The following LTN1 variants were observed in gnomAD, a reference collection of about 807,000 sequenced individuals.
The protein encoded by LTN1 is E3 ubiquitin-protein ligase listerin.
A neutral mutation model predicts 201.2 loss-of-function variants in LTN1; 88 were observed. That is an observed-to-expected ratio of 0.44 (90% CI 0.37 to 0.52). LTN1 has a LOEUF of 0.52. LTN1 is among the 20% of genes least tolerant of loss of function. LTN1 has a pLI of 0.00. For synonymous variants in LTN1, 645 were observed against 713.5 expected (o/e 0.90, Z 1.53); for missense variants, 1,752 against 2,038.7 (o/e 0.86, Z 2.71).
At chr21:28,971,085 G>A (rs2146303703) in intron 7 of LTN1, among the ~76,000 whole-genome samples, 186 bp downstream of exon 7, 1 of 152,138 alleles carries the variant, frequency 6.6e-6, no homozygotes, top group African/African-American at 2.4e-5. Flanking sequence ...GACACATAAG[G>A]TTTAAAGAAT....
At chr21:28,953,425 C>A in intron 16 of LTN1, 49 bp from the exon 17 acceptor site, 1 of 1,387,958 alleles carries the variant, frequency 7.2e-7, no homozygotes. Flanking sequence ...TGTGAACAAA[C>A]CCTTCAATTA....
intron 6 of LTN1, among the ~76,000 whole-genome samples, chr21:28,980,709 G>A (rs1048452806): frequency 6.6e-6 from 1 of 152,004 alleles, no homozygotes; most frequent in Non-Finnish European, 1.5e-5. Flanking sequence ...TTCATGATGA[G>A]TTTATAGAAA....
intron 18 of LTN1, among the ~76,000 whole-genome samples, chr21:28,950,217 A>G (rs756647936): frequency 2.2e-4 from 33 of 152,094 alleles, no homozygotes; most frequent in Non-Finnish European, 5.9e-5. Context: ...TGTGATCTTT[A>G]TTCAAGTTTT....
At chr21:28,967,885 A>C (rs2084539925) in intron 9 of LTN1, 1 of 152,314 alleles carries the variant, frequency 6.6e-6, no homozygotes, top group East Asian at 1.9e-4. Context: ...ATTGGAGGAC[A>C]CATAGCTGGT....
intron 22 of LTN1, 117 bp downstream of exon 22, chr21:28,944,266 G>T: frequency 2.7e-6 from 2 of 754,594 alleles, no homozygotes; most frequent in Non-Finnish European, 4.4e-6. Context: ...TTCTCTTCTG[G>T]CTTTTTCTTT....
Position 28,944,536 on chromosome 21 carries a change from T to C in LTN1, c.3829A>G (p.Ser1277Gly), listed in dbSNP as rs2084322185. Residue 1277 changes from serine to glycine, a missense_variant, in exon 22 of 30, where the codon AGC (serine) becomes GGC (glycine). This residue lies in a region of LTN1 where 1,211 missense variants were observed against 1,312.8 expected (regional missense o/e 0.92). Transcript: ENST00000361371. ...IPLVQLFACV[S>G]CDLACDLSAF... Reference sequence around the variant, plus strand: ...CTGAGGTCACAGGCCAAATCACAGCTGACACAGGCAAACAGTTGCACAAGT... The same window carrying C: ...CTGAGGTCACAGGCCAAATCACAGCCGACACAGGCAAACAGTTGCACAAGT... The C allele has an allele frequency of 6.2e-7, 1 of 1,613,928 alleles. No individual in the cohort carries two copies. The highest frequency in any genetic ancestry group is 1.3e-5 in the African/African-American group (1 of 74,926).
chr21:28,949,142 T>G (rs2084363929), intron 18 of LTN1, among the ~76,000 whole-genome samples: 1 of 152,230 alleles, frequency 6.6e-6, no homozygotes, highest in Non-Finnish European at 1.5e-5. Flanking sequence ...ATTTCAGTAT[T>G]GAGCTACCTT....
At chr21:28,988,891 G>C (rs1296334997) in intron 1 of LTN1, among the ~76,000 whole-genome samples, 2 of 151,880 alleles carry the variant, frequency 1.3e-5, no homozygotes, top group Non-Finnish European at 2.9e-5. Context: ...CTTGAACCCA[G>C]GGGGCAGAGA....
rs1455243085 is a variant in LTN1, at chr21:28,966,705, T to A, written c.1786A>T (p.Lys596Ter). The A allele has an allele frequency of 6.2e-7, 1 of 1,614,082 alleles. No individual in the cohort carries two copies. The highest frequency in any genetic ancestry group is 8.5e-7 in the Non-Finnish European group (1 of 1,179,988). The change falls in exon 10 of 30, where the codon AAA becomes TAA. Residue 596 changes from lysine to a stop codon, truncating the protein, a stop_gained. Coordinates refer to ENST00000361371, the MANE Select transcript of LTN1 (RefSeq NM_015565.3). LOFTEE classifies it high-confidence loss of function. ...RKKPLEDLVC[K>*]LADISINYVN... ...TAATTAATACTTATATCTGCGAGTT[T>A]ACAGACTAAGTCTTCCAAAGGTTTT...
Position 28,966,384 on chromosome 21 carries a change from C to A in LTN1, c.2107G>T (p.Asp703Tyr). 6.2e-7 allele frequency: 1 copy of A among 1,607,948 alleles called. No homozygotes were observed. The highest frequency in any genetic ancestry group is 8.5e-7 in the Non-Finnish European group (1 of 1,178,180). Residue 703 changes from aspartate to tyrosine, a missense_variant, in exon 10 of 30, where the codon GAT becomes TAT. This residue lies in a region of LTN1 where 1,211 missense variants were observed against 1,312.8 expected (regional missense o/e 0.92). Coordinates refer to ENST00000361371, the MANE Select transcript of LTN1 (RefSeq NM_015565.3). The stretch of plus-strand genomic sequence containing the variant: ...AACAGGAATACCTTGGTTAGATCAT[C>A]CAAGACTTTTTTTCTTTCCATATCA... ...DNDMERKKVL[D>Y]DLTKVDLKWN...
In LTN1 at chr21:28,967,017, C is replaced by T; in HGVS notation, c.1474G>A (p.Glu492Lys). 1 of 1,614,094 alleles carries T rather than the reference C, an allele frequency of 6.2e-7. No individual in the cohort carries two copies. The highest frequency in any genetic ancestry group is 8.5e-7 in the Non-Finnish European group (1 of 1,180,010). The change falls in exon 10 of 30, where the codon GAA becomes AAA. Residue 492 changes from glutamate (E) to lysine (K), a missense_variant. Transcript: ENST00000361371. ...NLENVLIHFWERLSEICVAKI... is the reference protein window; with the variant it reads ...NLENVLIHFWKRLSEICVAKI... ...GCAACACAGATCTCTGACAGTCTTT[C>T]CCAGAAATGTATCAGTACGTTCTCC... is the stretch of plus-strand genomic sequence containing the variant.
At position 28,984,860 on chromosome 21, in the gene LTN1, T is replaced by C. The variant is rs1193785612; in HGVS notation, c.408A>G (p.Val136=). The change falls in exon 4 of 30, where the codon GTA becomes GTG. Residue 136 remains valine (V), a synonymous_variant. Transcript: ENST00000361371. ...QQAFEKLILK[V]KKQLAPYLKS... is the part of the protein sequence containing the mutation. ...TTAAGTAGGGAGCCAACTGTTTCTT[T>C]ACTTTAAGGATAAGTTTTTCAAAAG... The C allele has an allele frequency of 2.5e-6, 4 of 1,614,040 alleles. No homozygotes were observed. The highest frequency in any genetic ancestry group is 3.4e-6 in the Non-Finnish European group (4 of 1,180,020).
chr21:28,975,368 T>C (rs1191115476), intron 6 of LTN1, among the ~76,000 whole-genome samples: 6 of 152,074 alleles, frequency 3.9e-5, no homozygotes, highest in African/African-American at 1.4e-4. Context: ...GATATACAAA[T>C]GGCCCATAAA....
At chr21:28,951,435 A>G (rs1259385700) in intron 18 of LTN1, among the ~76,000 whole-genome samples, 1 of 152,194 alleles carries the variant, frequency 6.6e-6, no homozygotes, top group Admixed American at 6.5e-5. Context: ...CATTTGTTAC[A>G]TTTCTAGAAT....
rs1369482151 is a variant in LTN1, at chr21:28,981,973, G to A, written c.629+343C>T. Among the ~76,000 whole-genome samples, 7 of 152,292 alleles carry A rather than the reference G, an allele frequency of 4.6e-5. No homozygotes were observed. The East Asian group carries it at 7.7e-4, about 17-fold the overall frequency. ...CTCATGCTTGTAATGCCAACACTTC[G>A]GGAGGCCGAGGCGGGTGGATCACCT... On this transcript the variant is annotated intron_variant, in intron 5 of 29. Coordinates refer to ENST00000361371, the MANE Select transcript of LTN1 (RefSeq NM_015565.3).
chr21:28,937,460 A>T (rs998650577), intron 25 of LTN1, among the ~76,000 whole-genome samples: 1 of 152,210 alleles, frequency 6.6e-6, no homozygotes, highest in African/African-American at 2.4e-5. Context: ...TTTTATAGGC[A>T]TATAATATGT....
In LTN1 at chr21:28,934,805, T is replaced by C. The variant is rs144119252; in HGVS notation, c.4875+304A>G. ...ACCCAGTTTCAGGCATTTATAGCAA[T>C]CTGAGAATAGACTAATACAGTGTGT... On this transcript the variant is annotated intron_variant, in intron 27 of 29. Coordinates refer to ENST00000361371, the MANE Select transcript of LTN1 (RefSeq NM_015565.3). 4.1e-3 allele frequency among the ~76,000 whole-genome samples: 618 copies of C among 152,262 alleles called. 3 individuals are homozygous for C. The highest frequency in any genetic ancestry group is 0.014 in the African/African-American group (601 of 41,536).
chr21:28,992,846 T>C lies in LTN1; in HGVS notation c.-41A>G. On this transcript the variant is annotated 5_prime_UTR_variant, in exon 1 of 30. Transcript: ENST00000361371. The stretch of plus-strand genomic sequence containing the variant: ...TGTACTCTGAGCACTCAGACCCCGG[T>C]TGACACGTCCGGGACACAACTTCCG... The C allele has an allele frequency of 6.2e-7, 1 of 1,614,138 alleles. No homozygotes were observed. The highest frequency in any genetic ancestry group is 1.1e-5 in the South Asian group (1 of 91,068).
In LTN1 at chr21:28,943,967, T is replaced by G. The variant is rs536009188; in HGVS notation, c.3983-63A>C. The G allele has an allele frequency of 9.7e-5, 76 of 786,814 alleles. 1 individual carries two copies. Among genetic ancestry groups the G allele is most frequent in the South Asian group, 9.6e-4 (59 of 61,502 alleles). 48.7% of individuals were successfully genotyped at this position (786,814 alleles called of 1,614,324 possible). On this transcript the variant is annotated intron_variant, in intron 22 of 29. Coordinates refer to ENST00000361371, the MANE Select transcript of LTN1 (RefSeq NM_015565.3). ...AGAAAGTTAGTATAGCTTAAATGAT[T>G]CACAAACAATCAAATGTCATTTAAG...
Sources: allele counts gnomAD v4.1 joint callset (sites outside exome capture counted in the v4.1 genomes callset), GRCh38; gene constraint gnomAD v4.1.1; regional missense constraint gnomAD v4.1.1; transcripts MANE v1.5; gene names NCBI Gene and HGNC (gene_info 2026-07-23, HGNC 2026-07-21).